The following LNPEP variants were observed in gnomAD, a reference collection of about 807,000 sequenced individuals.
The protein encoded by LNPEP is leucyl-cystinyl aminopeptidase.
LNPEP carries 64 observed loss-of-function variants against 120.6 expected under a neutral mutation model. That is an observed-to-expected ratio of 0.53 (90% CI 0.43 to 0.65). LNPEP has a LOEUF of 0.65. Among genes scored for constraint, LNPEP ranks in the 30% least tolerant of loss-of-function variants. The probability of loss-of-function intolerance (pLI) is 0.00; values close to 1 mark genes in which losing one functional copy is unlikely to be tolerated. For missense variants in LNPEP, 1,057 were observed against 1,200.0 expected, an observed-to-expected ratio of 0.88 and a Z score of 1.76; for synonymous variants, 435 against 425.4, an observed-to-expected ratio of 1.02 and a Z score of -0.28.
intron 8 of LNPEP, among the ~76,000 whole-genome samples, chr5:97,002,090 G>A (rs1790666974): frequency 6.6e-6 from 1 of 152,098 alleles, no homozygotes; most frequent in East Asian, 1.9e-4. Context: ...AGTGAGTGGA[G>A]GTCGCACCAC....
At chr5:96,986,510 C>G in intron 3 of LNPEP, 29 bp from the exon 4 acceptor site, 1 of 1,601,310 alleles carries the variant, frequency 6.2e-7, no homozygotes, top group Non-Finnish European at 8.5e-7. Flanking sequence ...CCTATAGTTA[C>G]AGAACTGTCT....
chr5:97,023,762 G>A (rs1791271037), intron 14 of LNPEP, among the ~76,000 whole-genome samples: 1 of 152,050 alleles, frequency 6.6e-6, no homozygotes, highest in Non-Finnish European at 1.5e-5. Flanking sequence ...AGTATTGCTG[G>A]ATCATATGGT....
Position 96,954,755 on chromosome 5 carries a change from T to C in LNPEP, c.19+18581T>C, listed in dbSNP as rs1453717226. 1.5e-3 allele frequency among the ~76,000 whole-genome samples: 60 copies of C among 40,452 alleles called. 2 individuals carry two copies. The highest frequency in any genetic ancestry group is 2.1e-3 in the Non-Finnish European group (40 of 19,058). The allele number at this position is 40,452 out of a possible 152,430, so 26.5% of individuals were successfully genotyped here. A position where few individuals can be genotyped will look rare whatever the true frequency, so the allele number is the denominator to read the frequency against. On this transcript the variant is annotated intron_variant, in intron 1 of 17. Coordinates refer to ENST00000231368, the MANE Select transcript of LNPEP (RefSeq NM_005575.3). ...ATATACATATATATATACACATATATATATATATATATATATATTTTTTTT... is the reference window on the plus strand; with the variant it reads ...ATATACATATATATATACACATATACATATATATATATATATATTTTTTTT...
At chr5:97,014,346 G>A (rs1485397606) in intron 12 of LNPEP, among the ~76,000 whole-genome samples, 3 of 152,062 alleles carry the variant, frequency 2.0e-5, no homozygotes, top group Admixed American at 6.6e-5. Flanking sequence ...TTGATGATAG[G>A]CTTAAAAACA....
At chr5:96,950,273 A>T (rs1789291738) in intron 1 of LNPEP, among the ~76,000 whole-genome samples, 1 of 152,170 alleles carries the variant, frequency 6.6e-6, no homozygotes, top group Non-Finnish European at 1.5e-5. Context: ...ATAGCTAGAG[A>T]GCTGCTGTGC....
chr5:96,994,959 T>G (rs1045559283), intron 6 of LNPEP, among the ~76,000 whole-genome samples: 1 of 152,074 alleles, frequency 6.6e-6, no homozygotes. Flanking sequence ...AATACAAAAA[T>G]TAGCTGGGCG....
chr5:96,951,262 T>TTTTTTTTTGG (rs1789312567), intron 1 of LNPEP, among the ~76,000 whole-genome samples: 1 of 140,242 alleles, frequency 7.1e-6, no homozygotes, highest in Non-Finnish European at 1.5e-5. Context: ...TTTCTTTTTT[T>TTTTTTTTTGG]GGCGGGGGGC....
At position 97,036,703 on chromosome 5, in the gene LNPEP, G is replaced by A. The variant is rs985271146; in HGVS notation, c.*8170G>A. ...GCCATATTACTATTTTGGAAACATT[G>A]AGTGATAGAACTCCTAGAAAATTTG... is the stretch of plus-strand genomic sequence containing the variant. On this transcript the variant is annotated 3_prime_UTR_variant, in exon 18 of 18. Transcript: ENST00000231368. 2 of 152,002 alleles carry A rather than the reference G, an allele frequency of 1.3e-5. No homozygotes were observed. The highest frequency in any genetic ancestry group is 4.8e-5 in the African/African-American group (2 of 41,372). The allele number at this position is 152,002 out of a possible 1,614,324, so 9.4% of individuals were successfully genotyped here. A position where few individuals can be genotyped will look rare whatever the true frequency, so the allele number is the denominator to read the frequency against.
intron 13 of LNPEP, among the ~76,000 whole-genome samples, chr5:97,017,456 A>C (rs1453305583): frequency 6.6e-6 from 1 of 152,048 alleles, no homozygotes; most frequent in Non-Finnish European, 1.5e-5. Flanking sequence ...TTTTTTATTA[A>C]TATGAGTTTT....
At chr5:96,944,944 A>G (rs1472583659) in intron 1 of LNPEP, among the ~76,000 whole-genome samples, 1 of 152,148 alleles carries the variant, frequency 6.6e-6, no homozygotes, top group East Asian at 1.9e-4. Context: ...ATCCATAGAA[A>G]GGAGTGTCTG....
rs182898047 is a variant in LNPEP, at chr5:97,035,433, G to A, written c.*6900G>A. On this transcript the variant is annotated 3_prime_UTR_variant, in exon 18 of 18. Coordinates refer to ENST00000231368, the MANE Select transcript of LNPEP (RefSeq NM_005575.3). Reference sequence around the variant, plus strand: ...TGTTTTAGAGAGATTTCTATTTTTGGTAGGGGAATATTCTTAATATGTTTT... The same window carrying A: ...TGTTTTAGAGAGATTTCTATTTTTGATAGGGGAATATTCTTAATATGTTTT... The A allele has an allele frequency of 1.5e-4, 23 of 152,082 alleles. No individual in the cohort carries two copies. The highest frequency in any genetic ancestry group is 2.4e-4 in the Non-Finnish European group (16 of 67,954). 9.4% of individuals were successfully genotyped at this position (152,082 alleles called of 1,614,324 possible). A position where few individuals can be genotyped will look rare whatever the true frequency, so the allele number is the denominator to read the frequency against.
chr5:96,938,189 C>T (rs1407956952), intron 1 of LNPEP, among the ~76,000 whole-genome samples: 1 of 152,172 alleles, frequency 6.6e-6, no homozygotes, highest in Non-Finnish European at 1.5e-5. Context: ...GTACAGTAGA[C>T]AGTTATATAC....
intron 1 of LNPEP, among the ~76,000 whole-genome samples, chr5:96,947,938 T>C (rs375031799): frequency 6.6e-6 from 1 of 152,126 alleles, no homozygotes; most frequent in East Asian, 1.9e-4. Context: ...CTTTTTGAAT[T>C]TTTTCCTTTT....
chr5:96,961,458 GT>G (rs968466949), intron 1 of LNPEP, among the ~76,000 whole-genome samples: 3 of 149,624 alleles, frequency 2.0e-5, no homozygotes, highest in Non-Finnish European at 2.9e-5. Flanking sequence ...GAAGCTAATT[GT>G]TTTTTTTATA....
intron 4 of LNPEP, among the ~76,000 whole-genome samples, chr5:96,990,024 A>G (rs965918635): frequency 6.6e-6 from 1 of 152,052 alleles, no homozygotes; most frequent in Admixed American, 6.6e-5. Flanking sequence ...AGTAATCTGG[A>G]GGTATGAGTG....
intron 1 of LNPEP, among the ~76,000 whole-genome samples, chr5:96,974,462 C>A (rs556172348): frequency 6.6e-6 from 1 of 152,252 alleles, no homozygotes; most frequent in South Asian, 2.1e-4. Flanking sequence ...CTCCCCTACT[C>A]CTTCACCTCC....
chr5:96,965,230 C>T (rs540036821), intron 1 of LNPEP, among the ~76,000 whole-genome samples: 13 of 152,094 alleles, frequency 8.5e-5, no homozygotes, highest in African/African-American at 2.9e-4. Flanking sequence ...CCAAAGCTTT[C>T]ATTTTGCATT....
Position 96,936,362 on chromosome 5 carries a change from T to C in LNPEP, c.19+188T>C, listed in dbSNP as rs567824864. The stretch of plus-strand genomic sequence containing the variant: ...GGTTCGGGGGGCGGGCGGCGGCCAG[T>C]GCGGGACCCGGGGCTGGCTTGAAGG... On this transcript the variant is annotated intron_variant, in intron 1 of 17. Transcript: ENST00000231368. 719 of 423,114 alleles carry C rather than the reference T, an allele frequency of 1.7e-3. 6 individuals are homozygous for C. The highest frequency in any genetic ancestry group is 0.014 in the African/African-American group (646 of 47,850). The allele number at this position is 423,114 out of a possible 1,614,324, so 26.2% of individuals were successfully genotyped here.
intron 1 of LNPEP, among the ~76,000 whole-genome samples, chr5:96,971,159 TTTTC>T (rs1348532074): frequency 6.6e-6 from 1 of 152,052 alleles, no homozygotes; most frequent in East Asian, 1.9e-4. Flanking sequence ...GAGTTTAGAA[TTTTC>T]TTTGTCTTCC....
Sources: allele counts gnomAD v4.1 joint callset (sites outside exome capture counted in the v4.1 genomes callset), GRCh38; gene constraint gnomAD v4.1.1; transcripts MANE v1.5; gene names NCBI Gene and HGNC (gene_info 2026-07-23, HGNC 2026-07-21).